ARHGAP44: variants seen among roughly 807,000 people sequenced by gnomAD.
ARHGAP44 encodes rho GTPase-activating protein 44.
In ARHGAP44, 43 loss-of-function variants were observed where a neutral mutation model predicts 106.8. The observed-to-expected ratio is 0.40, with a 90% confidence interval of 0.32 to 0.52. The LOEUF (loss-of-function observed/expected upper bound fraction) is 0.52, where lower values mean the gene tolerates loss of function less well. Ranked by LOEUF, ARHGAP44 falls within the 20% of genes least tolerant of loss-of-function variation. The pLI, the probability that ARHGAP44 is intolerant of heterozygous loss-of-function variation, is 0.48. For missense variants in ARHGAP44, 866 were observed against 1,050.5 expected (o/e 0.82, Z 2.43); for synonymous variants, 439 against 410.3 (o/e 1.07, Z -0.85).
intron 6 of ARHGAP44, among the ~76,000 whole-genome samples, chr17:12,924,340 C>T (rs912641964): frequency 2.0e-5 from 3 of 152,202 alleles, no homozygotes; most frequent in Non-Finnish European, 2.9e-5. Flanking sequence ...GCTTACAGGA[C>T]GCTTTATGCT....
chr17:12,974,387 T>A (rs1283283695), intron 18 of ARHGAP44, 77 bp downstream of exon 18: 3 of 1,215,632 alleles, frequency 2.5e-6, no homozygotes, highest in Non-Finnish European at 3.2e-6. Flanking sequence ...ACTGGAGGCC[T>A]CTTGGATTTC....
intron 4 of ARHGAP44, among the ~76,000 whole-genome samples, chr17:12,911,175 A>T (rs1029200504): frequency 6.6e-6 from 1 of 152,162 alleles, no homozygotes; most frequent in Non-Finnish European, 1.5e-5. Context: ...AGAAAATTTC[A>T]GGTTGACAGA....
intron 1 of ARHGAP44, among the ~76,000 whole-genome samples, chr17:12,849,399 A>G (rs1276253917): frequency 1.3e-5 from 2 of 151,918 alleles, no homozygotes; most frequent in African/African-American, 4.8e-5. Context: ...TGTGCCTGGT[A>G]TTTTGAATGC....
intron 7 of ARHGAP44, among the ~76,000 whole-genome samples, chr17:12,931,375 A>C (rs928193067): frequency 6.6e-6 from 1 of 151,664 alleles, no homozygotes; most frequent in Non-Finnish European, 1.5e-5. Context: ...CCCGGCCTAT[A>C]TGTTTGTTTT....
chr17:12,834,923 C>A (rs1181332485), intron 1 of ARHGAP44, among the ~76,000 whole-genome samples: 1 of 152,082 alleles, frequency 6.6e-6, no homozygotes, highest in Non-Finnish European at 1.5e-5. Flanking sequence ...TATAAAAGTA[C>A]AGCTTACTCT....
chr17:12,843,968 T>G (rs1242170382), intron 1 of ARHGAP44, among the ~76,000 whole-genome samples: 3 of 152,114 alleles, frequency 2.0e-5, no homozygotes, highest in African/African-American at 7.2e-5. Context: ...ACTTTTTGTT[T>G]TAGTAGTAAG....
intron 1 of ARHGAP44, among the ~76,000 whole-genome samples, chr17:12,892,860 C>G (rs1177475458): frequency 6.7e-6 from 1 of 149,006 alleles, no homozygotes; most frequent in Non-Finnish European, 1.5e-5. Context: ...TTCTTTATAT[C>G]TTCTATTTTC....
intron 3 of ARHGAP44, among the ~76,000 whole-genome samples, chr17:12,905,920 C>G (rs891595220): frequency 6.6e-6 from 1 of 152,202 alleles, no homozygotes; most frequent in Non-Finnish European, 1.5e-5. Flanking sequence ...TAGACACTTG[C>G]AGATCAAACC....
chr17:12,841,618 A>T (rs1567642271), intron 1 of ARHGAP44, among the ~76,000 whole-genome samples: 1 of 145,256 alleles, frequency 6.9e-6, no homozygotes, highest in African/African-American at 2.7e-5. Context: ...ACACACACAC[A>T]CACACACACA....
chr17:12,878,189 G>A (rs1423991693), intron 1 of ARHGAP44, among the ~76,000 whole-genome samples: 4 of 151,756 alleles, frequency 2.6e-5, no homozygotes, highest in Non-Finnish European at 5.9e-5. Context: ...GGAAATTATT[G>A]TATTCAGTGT....
intron 1 of ARHGAP44, among the ~76,000 whole-genome samples, chr17:12,870,412 C>G (rs1477411281): frequency 2.6e-5 from 4 of 152,112 alleles, no homozygotes; most frequent in African/African-American, 9.7e-5. Context: ...CCAGATTGCC[C>G]TCAAGAAAGG....
chr17:12,882,855 T>C (rs1163851393), intron 1 of ARHGAP44, among the ~76,000 whole-genome samples: 1 of 152,122 alleles, frequency 6.6e-6, no homozygotes, highest in Non-Finnish European at 1.5e-5. Context: ...TCTATAATTT[T>C]CTTTATACTG....
chr17:12,967,249 CTTTTTT>C (rs57651305), intron 16 of ARHGAP44, among the ~76,000 whole-genome samples: 6 of 93,180 alleles, frequency 6.4e-5, no homozygotes, highest in African/African-American at 1.7e-4. Flanking sequence ...ACTCTTTTTG[CTTTTTT>C]TTTTTTTTTT....
intron 14 of ARHGAP44, among the ~76,000 whole-genome samples, chr17:12,956,235 T>G (rs2039123815): frequency 6.6e-6 from 1 of 151,908 alleles, no homozygotes; most frequent in Non-Finnish European, 1.5e-5. Context: ...AGCATTGGGA[T>G]GAGGGGAAAG....
In ARHGAP44 at chr17:12,951,262, G is replaced by A. The variant is rs181432161; in HGVS notation, c.1056-1239G>A. Among the ~76,000 whole-genome samples, 5 of 152,202 alleles carry A rather than the reference G, an allele frequency of 3.3e-5. No individual in the cohort carries two copies. In the East Asian group the frequency reaches 7.7e-4, roughly 24 times the overall value. ...TTTTGACAAGAACCCTATGAAGTGG[G>A]GTGTGCTGTTTCTCCTATTTTACAT... is the stretch of plus-strand genomic sequence containing the variant. On this transcript the variant is annotated intron_variant, in intron 12 of 20. Transcript: ENST00000379672.
At chr17:12,900,634 G>T (rs918657893) in intron 3 of ARHGAP44, among the ~76,000 whole-genome samples, 2 of 152,158 alleles carry the variant, frequency 1.3e-5, no homozygotes, top group African/African-American at 4.8e-5. Flanking sequence ...CACGCAAGGC[G>T]GTGTGTATGC....
intron 1 of ARHGAP44, among the ~76,000 whole-genome samples, chr17:12,876,708 C>T (rs1300386361): frequency 6.6e-6 from 1 of 151,746 alleles, no homozygotes; most frequent in South Asian, 2.1e-4. Context: ...GACAGGAGAT[C>T]GAGACCATCC....
intron 1 of ARHGAP44, among the ~76,000 whole-genome samples, chr17:12,847,194 G>A (rs2035592719): frequency 6.6e-6 from 1 of 152,206 alleles, no homozygotes; most frequent in Non-Finnish European, 1.5e-5. Flanking sequence ...TTGCGTTGCT[G>A]ATTGGGCCAC....
chr17:12,914,245 C>T (rs1202552689), intron 4 of ARHGAP44, among the ~76,000 whole-genome samples: 2 of 152,110 alleles, frequency 1.3e-5, no homozygotes, highest in Non-Finnish European at 2.9e-5. Flanking sequence ...TTGTATCCAC[C>T]AGTTTAACAG....
Sources: gnomAD v4.1 joint callset for allele counts (sites outside exome capture counted in the v4.1 genomes callset) on GRCh38, gnomAD v4.1.1 for gene constraint, MANE v1.5 for transcripts, NCBI Gene and HGNC (gene_info 2026-07-23, HGNC 2026-07-21) for gene names.